The following PADI3 variants were observed in gnomAD, a reference collection of about 807,000 sequenced individuals.
PADI3 encodes protein-arginine deiminase type-3.
Under a neutral mutation model 71.5 loss-of-function variants are expected in PADI3, and 53 were observed. The ratio of observed to expected loss-of-function variants is 0.74; its 90% CI spans 0.59 to 0.93. The LOEUF is 0.93. Among genes scored for constraint, PADI3 ranks in the 40% least tolerant of loss-of-function variants. PADI3 has a pLI of 0.00. For missense variants in PADI3, 821 were observed against 868.0 expected (o/e 0.95, Z 0.68); for synonymous variants, 361 against 347.5 (o/e 1.04, Z -0.43).
intron 13 of PADI3, among the ~76,000 whole-genome samples, chr1:17,278,979 T>C (rs1054688488): frequency 6.6e-6 from 1 of 152,244 alleles, no homozygotes; most frequent in Admixed American, 6.5e-5. Flanking sequence ...AAACGCACCC[T>C]AACTAGACTC....
At chr1:17,276,268 C>T (rs1367592972) in intron 11 of PADI3, among the ~76,000 whole-genome samples, 5 of 151,872 alleles carry the variant, frequency 3.3e-5, no homozygotes, top group African/African-American at 7.3e-5. Context: ...ACCTGGGAGG[C>T]GGAAGTTGCA....
At chr1:17,282,801 G>C in intron 15 of PADI3, 45 bp from the exon 16 acceptor site, 1 of 1,427,380 alleles carries the variant, frequency 7.0e-7, no homozygotes, top group Non-Finnish European at 9.7e-7. Context: ...AGAGGTGTGG[G>C]GTGGGAGCCC....
chr1:17,252,940 G>A (rs895972894), intron 1 of PADI3, among the ~76,000 whole-genome samples: 1 of 152,168 alleles, frequency 6.6e-6, no homozygotes, highest in Non-Finnish European at 1.5e-5. Context: ...GGCTTGGAGA[G>A]CAGTCCCCAG....
At chr1:17,264,363 C>T (rs1052086467) in intron 3 of PADI3, among the ~76,000 whole-genome samples, 3 of 148,268 alleles carry the variant, frequency 2.0e-5, no homozygotes, top group South Asian at 2.2e-4. Context: ...CACACACACA[C>T]GAATAATTAC....
At chr1:17,270,789 T>G (rs1030062740) in intron 7 of PADI3, 90 bp from the exon 8 acceptor site, 9 of 942,902 alleles carry the variant, frequency 9.5e-6, no homozygotes, top group Non-Finnish European at 1.5e-5. Context: ...GCAAGGGGTT[T>G]TCTTATGGAC....
At position 17,250,937 on chromosome 1, in the gene PADI3, T is replaced by C. The variant is rs2072958839; in HGVS notation, c.92+1708T>C. ...CTTCCTGGAGTCACCTGAGCCACAC[T>C]GGAGGTTTGCAGAGAAGGCCATCGG... On this transcript the variant is annotated intron_variant, in intron 1 of 15. Transcript: ENST00000375460. Among the ~76,000 whole-genome samples the C allele has an allele frequency of 2.0e-5, 3 of 152,164 alleles. No individual in the cohort carries two copies. In the South Asian group the frequency reaches 6.2e-4, roughly 32 times the overall value.
At position 17,257,692 on chromosome 1, in the gene PADI3, A is replaced by G. The variant is rs556867118; in HGVS notation, c.93-1886A>G. Among the ~76,000 whole-genome samples the G allele has an allele frequency of 1.9e-4, 29 of 152,266 alleles. No homozygotes were observed. In the South Asian group the frequency reaches 2.7e-3, roughly 14 times the overall value. On this transcript the variant is annotated intron_variant, in intron 1 of 15. Transcript: ENST00000375460. ...AGCTGCTTTGAGATGTAAGAGAATC[A>G]TGTTGGTGGAAGAGTGAAGAGGTTG...
intron 2 of PADI3, 89 bp from the exon 3 acceptor site, chr1:17,262,044 T>C: frequency 1.7e-6 from 2 of 1,150,784 alleles, no homozygotes; most frequent in Non-Finnish European, 2.6e-6. Flanking sequence ...TTGGGCCCCC[T>C]CCCCTCCTTA....
intron 6 of PADI3, among the ~76,000 whole-genome samples, chr1:17,269,166 T>C (rs978484622): frequency 6.6e-6 from 1 of 152,138 alleles, no homozygotes; most frequent in Non-Finnish European, 1.5e-5. Context: ...ATTATAGGCG[T>C]GAGACGCCGC....
intron 6 of PADI3, among the ~76,000 whole-genome samples, chr1:17,268,345 C>T (rs1569899131): frequency 6.6e-6 from 1 of 152,046 alleles, no homozygotes. Context: ...AAAACCAACC[C>T]CAAACACCAT....
chr1:17,271,659 C>G (rs573158638), intron 9 of PADI3, among the ~76,000 whole-genome samples: 40 of 151,834 alleles, frequency 2.6e-4, no homozygotes, highest in African/African-American at 9.7e-4. Context: ...GTAGCTGGGG[C>G]AACATGGTGA....
At chr1:17,280,498 T>C in intron 14 of PADI3, 69 bp downstream of exon 14, 1 of 1,493,158 alleles carries the variant, frequency 6.7e-7, no homozygotes, top group Non-Finnish European at 9.3e-7. Flanking sequence ...AAGGATGGGA[T>C]ACAGACATCT....
At chr1:17,268,068 C>A in intron 6 of PADI3, 106 bp downstream of exon 6, 1 of 1,311,234 alleles carries the variant, frequency 7.6e-7, no homozygotes, top group Non-Finnish European at 1.1e-6. Context: ...TGCTTACACT[C>A]CGGGAGATGC....
At chr1:17,281,275 G>C (rs1051798293) in intron 15 of PADI3, among the ~76,000 whole-genome samples, 2 of 152,164 alleles carry the variant, frequency 1.3e-5, no homozygotes, top group Non-Finnish European at 2.9e-5. Context: ...CTGAGGACAT[G>C]TCCCAGTGAT....
chr1:17,270,960 C>A lies in PADI3; in HGVS notation c.913C>A (p.Pro305Thr). ...PWIMTPSTLPPLEVYVCRVRN... is the reference protein window; with the variant it reads ...PWIMTPSTLPTLEVYVCRVRN... ...GATCATGACGCCCAGCACTCTGCCA[C>A]CCCTAGAGGTGTATGTGTGCCGGTG... Residue 305 changes from proline (P) to threonine (T), a missense_variant, in exon 8 of 16, where the codon CCC becomes ACC. Pro to Thr is a conservative substitution (Grantham distance 38). Transcript: ENST00000375460. 1.2e-6 allele frequency: 2 copies of A among 1,614,094 alleles called. No individual in the cohort carries two copies. Among genetic ancestry groups the A allele is most frequent in the African/African-American group, 1.3e-5 (1 of 75,028 alleles).
chr1:17,270,803 A>C, intron 7 of PADI3, 76 bp from the exon 8 acceptor site: 1 of 1,026,500 alleles, frequency 9.7e-7, no homozygotes, highest in Non-Finnish European at 1.5e-6. Flanking sequence ...TATGGACCAC[A>C]GTGGTGGAAT....
intron 9 of PADI3, among the ~76,000 whole-genome samples, chr1:17,271,436 C>T (rs1301315210): frequency 6.6e-6 from 1 of 152,206 alleles, no homozygotes; most frequent in East Asian, 1.9e-4. Context: ...AGGTGTGAGA[C>T]ACACACTCCC....
intron 10 of PADI3, 75 bp from the exon 11 acceptor site, chr1:17,274,560 G>A (rs2073299283): frequency 7.1e-7 from 1 of 1,408,062 alleles, no homozygotes; most frequent in Middle Eastern, 1.8e-4. Context: ...TCTTGAAGGA[G>A]CTCAAAGCCC....
chr1:17,264,984 G>A (rs2073148307), intron 3 of PADI3, among the ~76,000 whole-genome samples: 1 of 149,634 alleles, frequency 6.7e-6, no homozygotes, highest in African/African-American at 2.5e-5. Context: ...ACTCCAGCCT[G>A]GGCGACAGAG....
Sources: gnomAD v4.1 joint callset for allele counts (sites outside exome capture counted in the v4.1 genomes callset) on GRCh38, gnomAD v4.1.1 for gene constraint, MANE v1.5 for transcripts, NCBI Gene and HGNC (gene_info 2026-07-23, HGNC 2026-07-21) for gene names.